Variants in PTPRD observed in about 807,000 individuals in gnomAD.
The protein encoded by PTPRD is receptor-type tyrosine-protein phosphatase delta.
PTPRD carries 34 observed loss-of-function variants against 214.5 expected under a neutral mutation model. The ratio of observed to expected loss-of-function variants is 0.16; its 90% CI spans 0.12 to 0.21. PTPRD has a LOEUF of 0.21. PTPRD is among the 10% of genes least tolerant of loss of function. The pLI, the probability that PTPRD is intolerant of heterozygous loss-of-function variation, is 1.00. For missense variants in PTPRD, 2,545 were observed against 2,398.7 expected (o/e 1.06, Z -1.27); for synonymous variants, 1,128 against 845.7 (o/e 1.33, Z -5.79).
intron 2 of PTPRD, among the ~76,000 whole-genome samples, chr9:10,584,070 T>C (rs963244459): frequency 2.0e-5 from 3 of 152,100 alleles, no homozygotes; most frequent in Non-Finnish European, 4.4e-5. Context: ...TAGAAATGTC[T>C]TTCTCACATT....
chr9:9,507,540 G>A (rs1382593212), intron 8 of PTPRD, among the ~76,000 whole-genome samples: 3 of 151,310 alleles, frequency 2.0e-5, no homozygotes, highest in Non-Finnish European at 4.4e-5. Flanking sequence ...CCCATGGAAA[G>A]GGAGAACAGA....
intron 10 of PTPRD, among the ~76,000 whole-genome samples, chr9:9,126,052 A>G (rs1229222329): frequency 2.6e-5 from 4 of 152,170 alleles, no homozygotes; most frequent in Admixed American, 2.6e-4. Context: ...AGGGAAGAAT[A>G]GTAAGAGATG....
At chr9:9,537,830 C>T (rs1300827527) in intron 8 of PTPRD, among the ~76,000 whole-genome samples, 1 of 151,904 alleles carries the variant, frequency 6.6e-6, no homozygotes, top group Non-Finnish European at 1.5e-5. Context: ...TGTGTTCAGT[C>T]ACTAATAATC....
chr9:8,947,813 A>G (rs2099075223), intron 11 of PTPRD, among the ~76,000 whole-genome samples: 1 of 152,150 alleles, frequency 6.6e-6, no homozygotes, highest in African/African-American at 2.4e-5. Flanking sequence ...TATTTTTGGC[A>G]AAATAATGGT....
At chr9:10,463,526 T>G (rs1022985848) in intron 2 of PTPRD, among the ~76,000 whole-genome samples, 22 of 152,106 alleles carry the variant, frequency 1.4e-4, no homozygotes, top group African/African-American at 5.1e-4. Context: ...TAAAGAAAAC[T>G]TTTCAAAACT....
chr9:9,287,545 G>T (rs1949901584), intron 9 of PTPRD, among the ~76,000 whole-genome samples: 1 of 151,918 alleles, frequency 6.6e-6, no homozygotes, highest in South Asian at 2.1e-4. Flanking sequence ...GCAGAATTAT[G>T]TTTATAAATC....
chr9:10,337,598 TA>T (rs964459928), intron 3 of PTPRD, among the ~76,000 whole-genome samples: 3 of 151,724 alleles, frequency 2.0e-5, no homozygotes, highest in Non-Finnish European at 4.4e-5. Context: ...TTTGGGAATT[TA>T]AAAAAACCAA....
chr9:8,648,330 C>G (rs7341840), intron 12 of PTPRD, among the ~76,000 whole-genome samples: 1 of 152,272 alleles, frequency 6.6e-6, no homozygotes, highest in Non-Finnish European at 1.5e-5. Context: ...ATAAAACTTC[C>G]TGAACTATTG....
At chr9:10,560,410 G>C (rs1032514261) in intron 2 of PTPRD, among the ~76,000 whole-genome samples, 2 of 151,994 alleles carry the variant, frequency 1.3e-5, no homozygotes, top group East Asian at 3.9e-4. Flanking sequence ...GACAGTTGTG[G>C]GGTGGGGGGA....
chr9:8,364,097 G>T (rs911993076), intron 39 of PTPRD, among the ~76,000 whole-genome samples: 5 of 152,214 alleles, frequency 3.3e-5, no homozygotes, highest in African/African-American at 1.2e-4. Flanking sequence ...AACAAACACT[G>T]TGAGTGTGTG....
intron 11 of PTPRD, among the ~76,000 whole-genome samples, chr9:8,840,171 C>A (rs547487102): frequency 6.6e-6 from 1 of 152,110 alleles, no homozygotes; most frequent in Admixed American, 6.5e-5. Flanking sequence ...GTAGAACTAC[C>A]TTTGGTTTAA....
intron 10 of PTPRD, among the ~76,000 whole-genome samples, chr9:9,180,065 G>C (rs111719672): frequency 6.6e-6 from 1 of 151,856 alleles, no homozygotes; most frequent in African/African-American, 2.4e-5. Context: ...TACCGATTGC[G>C]CCACTGGATG....
intron 35 of PTPRD, 90 bp downstream of exon 35, chr9:8,436,502 G>T: frequency 1.1e-6 from 1 of 947,042 alleles, no homozygotes; most frequent in Non-Finnish European, 1.7e-6. Context: ...AAAGGGAAAA[G>T]CACTGATGAA....
chr9:10,153,025 T>C (rs1222007093), intron 3 of PTPRD, among the ~76,000 whole-genome samples: 3 of 152,142 alleles, frequency 2.0e-5, no homozygotes, highest in African/African-American at 7.2e-5. Flanking sequence ...GGGTGAGGAA[T>C]GGGGAGACGT....
intron 7 of PTPRD, among the ~76,000 whole-genome samples, chr9:9,707,101 G>T (rs1446400939): frequency 2.0e-5 from 3 of 152,132 alleles, no homozygotes; most frequent in African/African-American, 7.2e-5. Context: ...TGCTAACAAT[G>T]GCATATGTAC....
chr9:8,824,219 C>T (rs7864437), intron 11 of PTPRD, among the ~76,000 whole-genome samples: 86,557 of 152,054 alleles, frequency 0.57, 25,471 homozygotes, highest in African/African-American at 0.72. Context: ...CCAGTGGGTC[C>T]TAGCCTCATT....
chr9:8,356,193 A>G (rs903721426), intron 39 of PTPRD, among the ~76,000 whole-genome samples: 1 of 152,196 alleles, frequency 6.6e-6, no homozygotes, highest in Non-Finnish European at 1.5e-5. Flanking sequence ...TCAGATGCCC[A>G]AAGCCCACCT....
intron 14 of PTPRD, among the ~76,000 whole-genome samples, chr9:8,534,339 T>C (rs2076404739): frequency 6.6e-6 from 1 of 151,830 alleles, no homozygotes; most frequent in East Asian, 1.9e-4. Flanking sequence ...AGAATAACAA[T>C]GGAATTCTTG....
At chr9:9,690,226 C>A (rs529271854) in intron 7 of PTPRD, among the ~76,000 whole-genome samples, 1 of 151,862 alleles carries the variant, frequency 6.6e-6, no homozygotes, top group Non-Finnish European at 1.5e-5. Flanking sequence ...ATTTGTATTT[C>A]TCTGATGATC....
Sources: gnomAD v4.1 joint callset for allele counts (sites outside exome capture counted in the v4.1 genomes callset) on GRCh38, gnomAD v4.1.1 for gene constraint, MANE v1.5 for transcripts, NCBI Gene and HGNC (gene_info 2026-07-23, HGNC 2026-07-21) for gene names.